Variants in CSTPP1 observed in about 807,000 individuals in gnomAD.
CSTPP1 encodes the protein centriolar satellite-associated tubulin polyglutamylase complex regulator 1, also known as UPF0705 protein C11orf49.
At chr11:46,969,951 C>T in the CSTPP1 span, among the ~76,000 whole-genome samples, 2 of 152,090 alleles carry the variant, frequency 1.3e-5, no homozygotes, top group East Asian at 3.9e-4. Flanking sequence ...ATTTTTAGTA[C>T]AGACATGGTT....
the CSTPP1 span, among the ~76,000 whole-genome samples, chr11:46,967,244 G>A: frequency 6.6e-6 from 1 of 152,086 alleles, no homozygotes; most frequent in African/African-American, 2.4e-5. Context: ...TTCTAATGGT[G>A]TGAGGAAAGG....
At chr11:47,126,439 A>G in the CSTPP1 span, among the ~76,000 whole-genome samples, 1 of 152,214 alleles carries the variant, frequency 6.6e-6, no homozygotes, top group East Asian at 1.9e-4. Flanking sequence ...CCTGGGCAAC[A>G]TATCAAGACT....
At chr11:47,155,360 C>A in the CSTPP1 span, 1 of 1,039,752 alleles carries the variant, frequency 9.6e-7, no homozygotes, top group Admixed American at 1.7e-5. Flanking sequence ...ACACGTTTCT[C>A]TTCCCCACTT....
At chr11:47,112,060 T>A in the CSTPP1 span, among the ~76,000 whole-genome samples, 1 of 152,134 alleles carries the variant, frequency 6.6e-6, no homozygotes, top group Admixed American at 6.6e-5. Context: ...ACTCCCTCCT[T>A]AAGACTGTAA....
At chr11:47,042,457 C>CTG in the CSTPP1 span, among the ~76,000 whole-genome samples, 20 of 147,062 alleles carry the variant, frequency 1.4e-4, no homozygotes, top group South Asian at 6.5e-4. Context: ...ACTTATATGT[C>CTG]TGTGTGTGTG....
the CSTPP1 span, among the ~76,000 whole-genome samples, chr11:47,047,167 C>T: frequency 1.3e-5 from 2 of 152,158 alleles, no homozygotes; most frequent in Non-Finnish European, 2.9e-5. Flanking sequence ...TCCCAAAGTG[C>T]TAGGATTACA....
chr11:46,978,493 C>T, the CSTPP1 span, among the ~76,000 whole-genome samples: 6 of 152,110 alleles, frequency 3.9e-5, no homozygotes, highest in Non-Finnish European at 8.8e-5. Flanking sequence ...GTTTTTATAC[C>T]ATTAATTTAG....
the CSTPP1 span, among the ~76,000 whole-genome samples, chr11:47,112,759 C>A: frequency 6.6e-6 from 1 of 152,302 alleles, no homozygotes; most frequent in Admixed American, 6.5e-5. Flanking sequence ...ATAATAGATG[C>A]TACATAATAT....
the CSTPP1 span, among the ~76,000 whole-genome samples, chr11:47,144,188 T>C: frequency 3.3e-5 from 5 of 152,144 alleles, no homozygotes; most frequent in African/African-American, 1.2e-4. Context: ...AGACATTAAA[T>C]CAGTAATAAT....
At chr11:47,063,034 A>G in the CSTPP1 span, among the ~76,000 whole-genome samples, 1 of 152,272 alleles carries the variant, frequency 6.6e-6, no homozygotes, top group East Asian at 1.9e-4. Context: ...GTTTGCTACC[A>G]TTGCTAGAGC....
chr11:46,991,972 C>T, the CSTPP1 span, among the ~76,000 whole-genome samples: 2 of 152,222 alleles, frequency 1.3e-5, no homozygotes, highest in South Asian at 4.2e-4. Flanking sequence ...AACTCCTGGC[C>T]TCAAGTGATC....
chr11:47,044,442 A>C, the CSTPP1 span, among the ~76,000 whole-genome samples: 2 of 152,116 alleles, frequency 1.3e-5, no homozygotes, highest in East Asian at 3.8e-4. Flanking sequence ...AGTCACGTGA[A>C]TCTTGCAGAA....
chr11:47,000,660 T>A, the CSTPP1 span, among the ~76,000 whole-genome samples: 1 of 152,206 alleles, frequency 6.6e-6, no homozygotes, highest in Non-Finnish European at 1.5e-5. Flanking sequence ...CACAAATTAC[T>A]TTTGGGCACC....
the CSTPP1 span, chr11:47,052,416 A>G: frequency 3.1e-6 from 5 of 1,614,026 alleles, no homozygotes; most frequent in Non-Finnish European, 3.4e-6. Context: ...GGGAACACAC[A>G]TTCTCTTTCG....
chr11:47,078,424 G>A, the CSTPP1 span, among the ~76,000 whole-genome samples: 14 of 152,290 alleles, frequency 9.2e-5, no homozygotes, highest in South Asian at 2.1e-4. Flanking sequence ...AGGAGAAAGC[G>A]GTGTTAGTGA....
At chr11:46,945,981 C>T in the CSTPP1 span, among the ~76,000 whole-genome samples, 49 of 152,136 alleles carry the variant, frequency 3.2e-4, no homozygotes, top group African/African-American at 1.2e-3. Flanking sequence ...TGGAATGGGC[C>T]TTTTGGGAGT....
chr11:47,153,879 G>A, the CSTPP1 span, among the ~76,000 whole-genome samples: 2 of 152,130 alleles, frequency 1.3e-5, no homozygotes, highest in African/African-American at 4.8e-5. Flanking sequence ...TGCCAGTCTG[G>A]GAAACCTCTG....
At chr11:47,028,820 T>G in the CSTPP1 span, among the ~76,000 whole-genome samples, 1 of 152,036 alleles carries the variant, frequency 6.6e-6, no homozygotes, top group South Asian at 2.1e-4. Context: ...AATCATGCCA[T>G]AGGAATATAT....
At chr11:47,093,787 A>C in the CSTPP1 span, among the ~76,000 whole-genome samples, 1 of 152,228 alleles carries the variant, frequency 6.6e-6, no homozygotes, top group East Asian at 1.9e-4. Context: ...ATAATGCATG[A>C]GAATTGTCTC....
Sources: gnomAD v4.1 joint callset for allele counts (sites outside exome capture counted in the v4.1 genomes callset) on GRCh38, gnomAD v4.1.1 for gene constraint, MANE v1.5 for transcripts, NCBI Gene and HGNC (gene_info 2026-07-23, HGNC 2026-07-21) for gene names.